GFRA2: variants seen among roughly 807,000 people sequenced by gnomAD.
The protein encoded by GFRA2 is GDNF family receptor alpha-2.
A neutral mutation model predicts 48.3 loss-of-function variants in GFRA2; 17 were observed. That is an observed-to-expected ratio of 0.35 (90% CI 0.24 to 0.53). The LOEUF is 0.53. Ranked by LOEUF, GFRA2 falls within the 20% of genes least tolerant of loss-of-function variation. The pLI is 0.93. For synonymous variants in GFRA2, 305 were observed against 257.2 expected (o/e 1.19, Z -1.78); for missense variants, 660 against 637.3 (o/e 1.04, Z -0.38).
chr8:21,749,631 A>G (rs1805179371), intron 4 of GFRA2, among the ~76,000 whole-genome samples: 2 of 152,258 alleles, frequency 1.3e-5, no homozygotes, highest in Middle Eastern at 6.8e-3. Context: ...TTGGGATATT[A>G]GGCAGAAACT....
At chr8:21,767,989 G>A (rs1806261665) in intron 3 of GFRA2, among the ~76,000 whole-genome samples, 1 of 152,138 alleles carries the variant, frequency 6.6e-6, no homozygotes, top group African/African-American at 2.4e-5. Context: ...GATGAAAACA[G>A]AAGAGGGAAA....
intron 4 of GFRA2, among the ~76,000 whole-genome samples, chr8:21,714,653 C>T (rs1803245573): frequency 6.6e-6 from 1 of 152,084 alleles, no homozygotes; most frequent in African/African-American, 2.4e-5. Context: ...TACTGAGGAC[C>T]TACTATGTGT....
rs1161900689 is a variant in GFRA2, at chr8:21,694,077, T to TTATATA, written c.1272+381_1272+386dup. On this transcript the variant is annotated intron_variant, in intron 8 of 8. Transcript: ENST00000524240. Reference sequence around the variant, plus strand: ...TATTTATATATATATTTATTTATTTTTATATATATATATATTTCCTATAGT... The same window carrying TTATATA: ...TATTTATATATATATTTATTTATTTTTATATATATATATATATATATTTCCTATAGT... Among the ~76,000 whole-genome samples the TTATATA allele has an allele frequency of 2.6e-4, 28 of 109,294 alleles. 2 individuals carry two copies. Among genetic ancestry groups the TTATATA allele is most frequent in the African/African-American group, 6.7e-4 (21 of 31,432 alleles). 71.7% of individuals were successfully genotyped at this position (109,294 alleles called of 152,430 possible).
intron 4 of GFRA2, among the ~76,000 whole-genome samples, chr8:21,724,104 A>G (rs1035038594): frequency 1.3e-5 from 2 of 152,134 alleles, no homozygotes; most frequent in Non-Finnish European, 2.9e-5. Context: ...CTGCAGGGAG[A>G]AGAGTGAACC....
chr8:21,723,580 G>C (rs6587000), intron 4 of GFRA2, among the ~76,000 whole-genome samples: 130,525 of 152,238 alleles, frequency 0.86, 56,137 homozygotes, highest in African/African-American at 0.92. Flanking sequence ...AGGACCCCAG[G>C]ACAGGGCAGA....
intron 6 of GFRA2, among the ~76,000 whole-genome samples, chr8:21,704,038 C>A (rs1585230284): frequency 6.6e-6 from 1 of 152,388 alleles, no homozygotes; most frequent in East Asian, 1.9e-4. Context: ...CAAGGCCCTG[C>A]ATGACAAGGA....
chr8:21,768,307 C>T (rs1190993557), intron 3 of GFRA2, among the ~76,000 whole-genome samples: 1 of 152,220 alleles, frequency 6.6e-6, no homozygotes, highest in Non-Finnish European at 1.5e-5. Flanking sequence ...CATGCTTCTG[C>T]ATTCGGCTCA....
intron 7 of GFRA2, among the ~76,000 whole-genome samples, chr8:21,700,764 A>G (rs986958167): frequency 1.3e-5 from 2 of 152,160 alleles, no homozygotes; most frequent in Non-Finnish European, 2.9e-5. Flanking sequence ...GAGGACAGAG[A>G]TCAGCAAAAT....
chr8:21,788,385 C>G lies in GFRA2; in HGVS notation c.-226G>C, dbSNP rs1008368108. The G allele has an allele frequency of 7.5e-7, 1 of 1,336,732 alleles. No individual in the cohort carries two copies. The highest frequency in any genetic ancestry group is 1.5e-5 in the African/African-American group (1 of 65,392). The allele number at this position is 1,336,732 out of a possible 1,614,324, so 82.8% of individuals were successfully genotyped here. On this transcript the variant is annotated 5_prime_UTR_variant, in exon 1 of 9. Coordinates refer to ENST00000524240, the MANE Select transcript of GFRA2 (RefSeq NM_001495.5). ...ATGGGCTGCTGCCTCTCGACGCCCC[C>G]CTTGCCCGCTACAATCAAATATACG...
chr8:21,767,250 T>C (rs1806214265), intron 3 of GFRA2, among the ~76,000 whole-genome samples: 1 of 146,688 alleles, frequency 6.8e-6, no homozygotes, highest in Admixed American at 6.7e-5. Flanking sequence ...ACACATCACA[T>C]ACACACACCA....
chr8:21,795,704 A>T (rs921897304), intron 2 of GFRA2, among the ~76,000 whole-genome samples: 3 of 152,112 alleles, frequency 2.0e-5, no homozygotes, highest in Admixed American at 6.5e-5. Context: ...CAGGGAACAA[A>T]CTCACTCTTG....
chr8:21,759,429 GGAAAGAGGGAGGGAGA>G (rs1256580108), intron 3 of GFRA2, among the ~76,000 whole-genome samples: 2 of 98,928 alleles, frequency 2.0e-5, no homozygotes, highest in Non-Finnish European at 4.1e-5. Context: ...AGGGAAAGAG[GGAAAGAGGGAGGGAGA>G]GAGGGAGAGA....
intron 2 of GFRA2, 117 bp downstream of exon 2, chr8:21,782,468 G>C: frequency 2.7e-6 from 2 of 743,092 alleles, no homozygotes; most frequent in Non-Finnish European, 4.4e-6. Flanking sequence ...GGTAGACATA[G>C]AGAGCTGGCC....
chr8:21,784,499 G>A (rs2117079356), intron 1 of GFRA2, among the ~76,000 whole-genome samples: 1 of 152,310 alleles, frequency 6.6e-6, no homozygotes, highest in African/African-American at 2.4e-5. Context: ...CTGCTCAGGG[G>A]AGCGCTACCG....
chr8:21,759,036 G>A (rs1805737296), intron 3 of GFRA2, among the ~76,000 whole-genome samples: 1 of 152,150 alleles, frequency 6.6e-6, no homozygotes, highest in African/African-American at 2.4e-5. Flanking sequence ...AGGAAAGAAA[G>A]AATCTTCCCT....
At chr8:21,748,818 C>T (rs1317159048) in intron 4 of GFRA2, among the ~76,000 whole-genome samples, 1 of 152,196 alleles carries the variant, frequency 6.6e-6, no homozygotes, top group African/African-American at 2.4e-5. Context: ...CAACAGCCTC[C>T]CCCGACTTGC....
At chr8:21,723,368 A>C (rs2117455084) in intron 4 of GFRA2, among the ~76,000 whole-genome samples, 1 of 152,280 alleles carries the variant, frequency 6.6e-6, no homozygotes, top group South Asian at 2.1e-4. Flanking sequence ...CAAGGTACCA[A>C]AGGAAGAAAA....
intron 4 of GFRA2, among the ~76,000 whole-genome samples, chr8:21,743,093 G>T (rs1365138505): frequency 6.6e-6 from 1 of 152,184 alleles, no homozygotes; most frequent in Non-Finnish European, 1.5e-5. Flanking sequence ...TTCCAGGGAG[G>T]GTCACTCGGG....
At chr8:21,729,014 C>G (rs570993652) in intron 4 of GFRA2, among the ~76,000 whole-genome samples, 1 of 152,200 alleles carries the variant, frequency 6.6e-6, no homozygotes, top group African/African-American at 2.4e-5. Context: ...GTGGTGTCCA[C>G]CACATGGGGC....
Sources: allele counts gnomAD v4.1 joint callset (sites outside exome capture counted in the v4.1 genomes callset), GRCh38; gene constraint gnomAD v4.1.1; transcripts MANE v1.5; gene names NCBI Gene and HGNC (gene_info 2026-07-23, HGNC 2026-07-21).